DGUOK: variants seen among roughly 807,000 people sequenced by gnomAD.
DGUOK encodes the protein deoxyguanosine kinase.
Under a neutral mutation model 36.6 loss-of-function variants are expected in DGUOK, and 30 were observed. That is an observed-to-expected ratio of 0.82 (90% confidence interval 0.61 to 1.11). The LOEUF (loss-of-function observed/expected upper bound fraction) is 1.11. Among genes scored for constraint, DGUOK ranks in the 50% most tolerant of loss-of-function variants. The pLI, the probability that DGUOK is intolerant of heterozygous loss-of-function variation, is 0.00. For missense variants in DGUOK, 361 were observed against 336.4 expected (o/e 1.07, Z -0.57); for synonymous variants, 145 against 126.3 (o/e 1.15, Z -0.99).
Position 73,950,567 on chromosome 2 carries a change from C to T in DGUOK, c.444-18C>T. On this transcript the variant is annotated intron_variant, in intron 3 of 6. Transcript: ENST00000264093. ...CCCATTCTCCTGCCCTCCCCATTCC[C>T]ATCCCACTTCCAACCAGGTATATCT... is the stretch of plus-strand genomic sequence containing the variant. The T allele has an allele frequency of 3.7e-6, 6 of 1,614,036 alleles. No homozygotes were observed. Among genetic ancestry groups the T allele is most frequent in the Non-Finnish European group, 5.1e-6 (6 of 1,179,928 alleles).
chr2:73,933,766 A>G (rs1005891448), intron 1 of DGUOK, among the ~76,000 whole-genome samples: 1 of 152,136 alleles, frequency 6.6e-6, no homozygotes, highest in African/African-American at 2.4e-5. Flanking sequence ...TGGGGTTGGA[A>G]TATAACTTGA....
intron 3 of DGUOK, among the ~76,000 whole-genome samples, chr2:73,948,776 G>A (rs1027278023): frequency 2.0e-5 from 3 of 152,132 alleles, no homozygotes; most frequent in African/African-American, 4.8e-5. Flanking sequence ...GCCCTGTTCT[G>A]TCCTGCAGCC....
intron 1 of DGUOK, among the ~76,000 whole-genome samples, chr2:73,937,272 G>A (rs997299414): frequency 2.0e-5 from 3 of 152,300 alleles, no homozygotes; most frequent in Admixed American, 6.5e-5. Flanking sequence ...ATCTGGCCCC[G>A]GACTGCCCAT....
intron 2 of DGUOK, among the ~76,000 whole-genome samples, chr2:73,939,907 CTT>C (rs35979524): frequency 1.0e-4 from 14 of 136,598 alleles, no homozygotes; most frequent in Non-Finnish European, 7.8e-5. Flanking sequence ...AGTCTCTCTC[CTT>C]TTTTTTTTTT....
Position 73,946,711 on chromosome 2 carries a change from C to G in DGUOK, c.256-8C>G. ...GGAAATTTTCTTCTTTTTTTCATCT[C>G]CCTCTAGGCCTGCACTGCCCAAAGT... On this transcript the variant is annotated splice_region_variant and splice_polypyrimidine_tract_variant and intron_variant, in intron 2 of 6. Coordinates refer to ENST00000264093, the MANE Select transcript of DGUOK (RefSeq NM_080916.3). The G allele has an allele frequency of 6.2e-7, 1 of 1,613,894 alleles. No individual in the cohort carries two copies. Among genetic ancestry groups the G allele is most frequent in the Admixed American group, 1.7e-5 (1 of 60,008 alleles).
chr2:73,948,442 C>T (rs973271847), intron 3 of DGUOK, among the ~76,000 whole-genome samples: 8 of 152,174 alleles, frequency 5.3e-5, no homozygotes, highest in Non-Finnish European at 8.8e-5. Flanking sequence ...AGGGCATTTT[C>T]GAGACAGAAA....
At chr2:73,941,264 T>C (rs1234841915) in intron 2 of DGUOK, among the ~76,000 whole-genome samples, 1 of 152,176 alleles carries the variant, frequency 6.6e-6, no homozygotes, top group Non-Finnish European at 1.5e-5. Flanking sequence ...TCAGCCAACA[T>C]CTTGACTGAA....
chr2:73,929,476 T>C (rs961939471), intron 1 of DGUOK, among the ~76,000 whole-genome samples: 10 of 152,146 alleles, frequency 6.6e-5, no homozygotes, highest in Admixed American at 5.9e-4. Context: ...GATATGTAAG[T>C]TCAGAATTAG....
chr2:73,932,753 A>G, intron 1 of DGUOK: 1 of 829,394 alleles, frequency 1.2e-6, no homozygotes, highest in Non-Finnish European at 1.6e-6. Flanking sequence ...GAAGGTGCAG[A>G]CAGCGGCATG....
chr2:73,957,831 A>T (rs1683237247), intron 5 of DGUOK: 1 of 358,482 alleles, frequency 2.8e-6, no homozygotes, highest in South Asian at 2.3e-5. Context: ...TGTTAGAGAA[A>T]TTGTCAGTAT....
At chr2:73,938,854 C>A in intron 1 of DGUOK, 56 bp from the exon 2 acceptor site, 2 of 1,208,364 alleles carry the variant, frequency 1.7e-6, no homozygotes, top group Non-Finnish European at 2.5e-6. Context: ...TAGTAGCAGC[C>A]TTCTCCTTCA....
intron 3 of DGUOK, chr2:73,947,158 T>C (rs1247595820): frequency 2.0e-6 from 1 of 503,580 alleles, no homozygotes; most frequent in East Asian, 3.8e-5. Flanking sequence ...GATTACCTTA[T>C]GTTTCCTTAT....
chr2:73,951,981 C>T (rs1042098002), intron 4 of DGUOK, among the ~76,000 whole-genome samples: 6 of 152,054 alleles, frequency 3.9e-5, no homozygotes, highest in East Asian at 3.9e-4. Flanking sequence ...CCAGCATAGG[C>T]GATATAGTGC....
chr2:73,947,741 T>C (rs538520418), intron 3 of DGUOK: 2 of 152,412 alleles, frequency 1.3e-5, no homozygotes, highest in African/African-American at 2.4e-5. Flanking sequence ...GTTTTTCTTA[T>C]CTGAAGCCTA....
chr2:73,941,865 T>C (rs771589524), intron 2 of DGUOK, among the ~76,000 whole-genome samples: 36 of 152,048 alleles, frequency 2.4e-4, no homozygotes, highest in Non-Finnish European at 5.1e-4. Context: ...AAACTCATTG[T>C]ATGTTAAGTA....
rs571778721 is a variant in DGUOK at position 73,948,206 on chromosome 2, A to G, written c.443+1300A>G. On this transcript the variant is annotated intron_variant, in intron 3 of 6. Transcript: ENST00000264093. ...CATGCCTCTCGGACTCCGAAGTTGA[A>G]TTACATATAACCACATGGGTTGTTT... is the stretch of plus-strand genomic sequence containing the variant. Among the ~76,000 whole-genome samples, 26 of 152,324 alleles carry G rather than the reference A, an allele frequency of 1.7e-4. No homozygotes were observed. The South Asian group carries it at 5.4e-3, about 32-fold the overall frequency.
chr2:73,955,622 C>A (rs527239259), intron 4 of DGUOK, among the ~76,000 whole-genome samples: 61 of 152,206 alleles, frequency 4.0e-4, no homozygotes, highest in Admixed American at 1.0e-3. Context: ...CGCCTGTAAT[C>A]CCAGCATTTT....
Position 73,927,015 on chromosome 2 carries a change from G to A in DGUOK, c.105G>A (p.Gly35=). Residue 35 remains glycine (G), a synonymous_variant, in exon 1 of 7, where the codon GGG becomes GGA. Transcript: ENST00000264093. Reference sequence around the variant, plus strand: ...CCTCCTCCAGAGGCCTGCACGCGGGGCGCGGGCCCCGAAGGCTCTCCATCG... The same window carrying A: ...CCTCCTCCAGAGGCCTGCACGCGGGACGCGGGCCCCGAAGGCTCTCCATCG... ...GVSSSRGLHA[G]RGPRRLSIEG... 1 of 1,611,150 alleles carries A rather than the reference G, an allele frequency of 6.2e-7. No homozygotes were observed.
At position 73,948,710 on chromosome 2, in the gene DGUOK, A is replaced by G. The variant is rs895584595; in HGVS notation, c.443+1804A>G. On this transcript the variant is annotated intron_variant, in intron 3 of 6. Transcript: ENST00000264093. ...AATCTTAGTCTTTTCTGTTTGAGTT[A>G]AAGGAAACATTAGCATATGGTTTTA... is the stretch of plus-strand genomic sequence containing the variant. Among the ~76,000 whole-genome samples, 3 of 152,144 alleles carry G rather than the reference A, an allele frequency of 2.0e-5. No individual in the cohort carries two copies. In the East Asian group the frequency reaches 5.8e-4, roughly 29 times the overall value.
Sources: allele counts gnomAD v4.1 joint callset (sites outside exome capture counted in the v4.1 genomes callset), GRCh38; gene constraint gnomAD v4.1.1; transcripts MANE v1.5; gene names NCBI Gene and HGNC (gene_info 2026-07-23, HGNC 2026-07-21).